RGS3: variants seen among roughly 807,000 people sequenced by gnomAD.
RGS3 encodes the protein regulator of G-protein signalling 3.
A neutral mutation model predicts 132.6 loss-of-function variants in RGS3; 80 were observed. The ratio of observed to expected loss-of-function variants is 0.60; its 90% CI spans 0.50 to 0.73. The LOEUF (loss-of-function observed/expected upper bound fraction) is 0.73, where lower values mean the gene tolerates loss of function less well. Among genes scored for constraint, RGS3 ranks in the 30% least tolerant of loss-of-function variants. RGS3 has a pLI of 0.00. For synonymous variants in RGS3, 598 were observed against 620.6 expected (o/e 0.96, Z 0.54); for missense variants, 1,382 against 1,530.8 (o/e 0.90, Z 1.62).
At position 113,529,254 on chromosome 9, in the gene RGS3, A is replaced by G. The variant is rs201110628; in HGVS notation, c.1904A>G (p.Tyr635Cys). ...GAAGACCTGAAATTCTGCGTGCTCT[A>G]TCTAGCAGAGGTGAGTCCTTTCCTC... Residue 635 changes from tyrosine to cysteine, a missense_variant, in exon 18 of 25, where the codon TAT (tyrosine) becomes TGT (cysteine). Transcript: ENST00000350696. 28 of 1,613,316 alleles carry G rather than the reference A, an allele frequency of 1.7e-5. No individual in the cohort carries two copies. The East Asian group carries it at 3.6e-4, about 21-fold the overall frequency.
chr9:113,590,484 C>A, intron 20 of RGS3, among the ~76,000 whole-genome samples: 1 of 149,294 alleles, frequency 6.7e-6, no homozygotes, highest in Non-Finnish European at 1.5e-5. Flanking sequence ...ATCCATCCAT[C>A]TATCCACCCA....
intron 19 of RGS3, among the ~76,000 whole-genome samples, chr9:113,547,863 TAG>T (rs1328732734): frequency 6.6e-6 from 1 of 152,218 alleles, no homozygotes; most frequent in East Asian, 1.9e-4. Flanking sequence ...TCCTAAGTGT[TAG>T]TGTGTTTCTG....
chr9:113,561,586 A>AT lies in RGS3; in HGVS notation c.2038-21848dup, dbSNP rs1181886025. Among the ~76,000 whole-genome samples, 984 of 133,250 alleles carry AT rather than the reference A, an allele frequency of 7.4e-3. 7 individuals are homozygous for AT. Among genetic ancestry groups the AT allele is most frequent in the East Asian group, 0.052 (239 of 4,604 alleles). The allele number at this position is 133,250 out of a possible 152,430, so 87.4% of individuals were successfully genotyped here. On this transcript the variant is annotated intron_variant, in intron 19 of 24. Transcript: ENST00000350696. ...CAGCACCATGCCCAGCTAATTTTTA[A>AT]TTTTTTTTTTTTTTTTGTAGAGATG...
intron 23 of RGS3, 180 bp from the exon 22 acceptor site, chr9:113,595,419 C>T: frequency 1.6e-6 from 1 of 621,566 alleles, no homozygotes; most frequent in African/African-American, 1.8e-5. Context: ...CCCACTGAGA[C>T]CCTGAAAGAG....
chr9:113,563,202 C>G (rs190367648), intron 19 of RGS3, among the ~76,000 whole-genome samples: 12 of 152,306 alleles, frequency 7.9e-5, no homozygotes, highest in Admixed American at 5.2e-4. Flanking sequence ...AGCTGCTTTG[C>G]CCATCACAGC....
intron 19 of RGS3, chr9:113,580,677 TG>T: frequency 2.4e-6 from 1 of 420,326 alleles, no homozygotes; most frequent in Non-Finnish European, 3.2e-6. Flanking sequence ...CTGATCTCTC[TG>T]GGTAGGTGCC....
intron 3 of RGS3, 64 bp from the exon 2 acceptor site, chr9:113,479,427 T>C (rs7021491): frequency 0.13 from 184,977 of 1,468,272 alleles, 12,938 homozygotes; most frequent in African/African-American, 0.2. Context: ...ACCTTTCCTC[T>C]AGTTTTTTCC....
chr9:113,573,758 T>C (rs1191192484), intron 19 of RGS3, among the ~76,000 whole-genome samples: 1 of 152,108 alleles, frequency 6.6e-6, no homozygotes, highest in Non-Finnish European at 1.5e-5. Flanking sequence ...CCCCTCAGTC[T>C]CCAACCATGT....
At chr9:113,499,905 T>G (rs756775844) in intron 10 of RGS3, among the ~76,000 whole-genome samples, 3 of 152,234 alleles carry the variant, frequency 2.0e-5, no homozygotes, top group Non-Finnish European at 4.4e-5. Flanking sequence ...TGTGGTTTCA[T>G]TAGTTGAAAA....
At chr9:113,523,022 G>C (rs759275123) in exon 17 of RGS3, 1 of 1,613,216 alleles carries the variant, frequency 6.2e-7, no homozygotes, top group Non-Finnish European at 8.5e-7. Flanking sequence ...TCTACCTCCA[G>C]AGTGTGAAGC....
At position 113,463,800 on chromosome 9, in the gene RGS3, G is replaced by A; in HGVS notation, c.415+1599G>A. The A allele has an allele frequency of 6.2e-7, 1 of 1,609,270 alleles. No individual in the cohort carries two copies. Among genetic ancestry groups the A allele is most frequent in the Non-Finnish European group, 8.5e-7 (1 of 1,178,348 alleles). On this transcript the variant is annotated intron_variant, in intron 3 of 24. Coordinates refer to ENST00000350696, the Ensembl canonical transcript of RGS3. This position sits in a 1 kb window ranked among gnomAD's most constrained non-coding sequence, Gnocchi z 4.6. Reference sequence around the variant, plus strand: ...GCTCCTGTCCGGGTCGCAGTGGGACGCCATGGAGCGCTCCCTGCACCGCGT... The same window carrying A: ...GCTCCTGTCCGGGTCGCAGTGGGACACCATGGAGCGCTCCCTGCACCGCGT...
chr9:113,581,474 C>T (rs1437763531), intron 19 of RGS3: 2 of 152,226 alleles, frequency 1.3e-5, no homozygotes, highest in African/African-American at 2.4e-5. Flanking sequence ...AAACACGTGC[C>T]TCTGGTTGAG....
In RGS3 at chr9:113,593,829, G is replaced by A. The variant is rs1027220445; in HGVS notation, c.3081-601G>A. 5 of 1,277,948 alleles carry A rather than the reference G, an allele frequency of 3.9e-6. No homozygotes were observed. In the South Asian group the frequency reaches 4.2e-5, roughly 11 times the overall value. 79.2% of individuals were successfully genotyped at this position (1,277,948 alleles called of 1,614,324 possible). On this transcript the variant is annotated intron_variant, in intron 21 of 24. Coordinates refer to ENST00000350696, the Ensembl canonical transcript of RGS3. ...TAAAAATAGCCAGTCCTGCCACCCC[G>A]GTGGTGGGCAGTGCCTCCCCTGGCT... is the stretch of plus-strand genomic sequence containing the variant.
At chr9:113,501,048 T>C (rs1830864896) in intron 10 of RGS3, among the ~76,000 whole-genome samples, 1 of 152,180 alleles carries the variant, frequency 6.6e-6, no homozygotes, top group Non-Finnish European at 1.5e-5. Flanking sequence ...CCAAATGTTT[T>C]ATGTTCCCTG....
At chr9:113,596,990 G>A (rs41276823) in exon 25 of RGS3, 79,914 of 1,548,628 alleles carry the variant, frequency 0.052, 2,400 homozygotes, top group South Asian at 0.096. Flanking sequence ...CACACCAGGC[G>A]GGCTGGGTCC....
intron 14 of RGS3, among the ~76,000 whole-genome samples, chr9:113,509,145 C>T (rs55676913): frequency 0.12 from 17,972 of 151,832 alleles, 1,268 homozygotes; most frequent in African/African-American, 0.19. Context: ...CACTACTGGG[C>T]GTGGTGGTGT....
chr9:113,575,996 C>T (rs1050423455), intron 19 of RGS3, among the ~76,000 whole-genome samples: 55 of 151,996 alleles, frequency 3.6e-4, no homozygotes, highest in African/African-American at 1.3e-3. Flanking sequence ...GTCAGGAGAT[C>T]GAGACCATCC....
At chr9:113,594,460 C>T in exon 22 of RGS3, 2 of 1,613,788 alleles carry the variant, frequency 1.2e-6, no homozygotes, top group Non-Finnish European at 1.7e-6. Flanking sequence ...AGCTGGGGAT[C>T]TTCAGACGGC....
At chr9:113,541,354 T>C (rs1832895352) in intron 19 of RGS3, 1 of 1,613,796 alleles carries the variant, frequency 6.2e-7, no homozygotes, top group Non-Finnish European at 8.5e-7. Context: ...CAGCAGGAGA[T>C]GGGGCCGGTC....
Sources: allele counts gnomAD v4.1 joint callset (sites outside exome capture counted in the v4.1 genomes callset), GRCh38; gene constraint gnomAD v4.1.1; non-coding constraint Gnocchi (gnomAD v3.1); transcripts MANE v1.5; gene names NCBI Gene and HGNC (gene_info 2026-07-23, HGNC 2026-07-21).